NAALADL2: variants seen among roughly 807,000 people sequenced by gnomAD.
The protein encoded by NAALADL2 is N-acetylated alpha-linked acidic dipeptidase like 2.
Under a neutral mutation model 87.2 loss-of-function variants are expected in NAALADL2, and 76 were observed. The observed-to-expected ratio is 0.87, with a 90% CI of 0.72 to 1.05. The LOEUF (loss-of-function observed/expected upper bound fraction) is 1.05. Ranked by LOEUF, NAALADL2 falls within the 50% of genes least tolerant of loss-of-function variation. NAALADL2 has a pLI of 0.00. For missense variants in NAALADL2, 1,089 were observed against 945.8 expected (o/e 1.15, Z -1.99); for synonymous variants, 354 against 331.0 (o/e 1.07, Z -0.75).
At position 174,810,486 on chromosome 3, in the gene NAALADL2, G is replaced by A. The variant is rs1248277841; in HGVS notation, c.-9+72740G>A. Among the ~76,000 whole-genome samples, 4 of 151,942 alleles carry A rather than the reference G, an allele frequency of 2.6e-5. No individual in the cohort carries two copies. The South Asian group carries it at 6.3e-4, about 24-fold the overall frequency. On this transcript the variant is annotated intron_variant, in intron 3 of 3. Coordinates refer to the NAALADL2 transcript ENST00000434257. Reference sequence around the variant, plus strand: ...TAGTGCCTCTGCCCTAGGGATCTGTGGAACTTTGAACTTGAGAACAACCAT... The same window carrying A: ...TAGTGCCTCTGCCCTAGGGATCTGTAGAACTTTGAACTTGAGAACAACCAT...
intron 5 of NAALADL2, among the ~76,000 whole-genome samples, chr3:175,341,565 TG>T (rs574032124): frequency 4.0e-4 from 61 of 152,290 alleles, no homozygotes; most frequent in Non-Finnish European, 6.0e-4. Flanking sequence ...TGTATTTAGT[TG>T]TTTGAAGAAC....
intron 1 of NAALADL2, among the ~76,000 whole-genome samples, chr3:174,974,162 A>G (rs758560235): frequency 6.6e-6 from 1 of 152,178 alleles, no homozygotes; most frequent in Admixed American, 6.5e-5. Flanking sequence ...ATACATTTTC[A>G]TTACTGGTAT....
chr3:175,000,511 A>G (rs1428563758), intron 1 of NAALADL2, among the ~76,000 whole-genome samples: 2 of 152,184 alleles, frequency 1.3e-5, no homozygotes, highest in Non-Finnish European at 2.9e-5. Context: ...AAGCCATACC[A>G]ACCTCCAGTG....
In NAALADL2 at chr3:174,831,978, G is replaced by A. The variant is rs1443072548; in HGVS notation, c.-9+94232G>A. Among the ~76,000 whole-genome samples, 125 of 151,464 alleles carry A rather than the reference G, an allele frequency of 8.3e-4. 1 individual carries two copies. Among genetic ancestry groups the A allele is most frequent in the African/African-American group, 2.3e-3 (95 of 41,198 alleles). The stretch of plus-strand genomic sequence containing the variant: ...TATCCCCTTTATCATTTTTTATTGC[G>A]TCTATTTGATTCTTCTCTCTTTTTT... On this transcript the variant is annotated intron_variant, in intron 3 of 3. Coordinates refer to the NAALADL2 transcript ENST00000434257.
At chr3:174,766,505 T>C (rs1450056662) in intron 3 of NAALADL2, among the ~76,000 whole-genome samples, 1 of 152,218 alleles carries the variant, frequency 6.6e-6, no homozygotes, top group Non-Finnish European at 1.5e-5. Flanking sequence ...AGCAAAGCTA[T>C]AAACTTAATA....
At chr3:175,273,679 C>A (rs1032951929) in intron 4 of NAALADL2, among the ~76,000 whole-genome samples, 2 of 151,708 alleles carry the variant, frequency 1.3e-5, no homozygotes, top group African/African-American at 4.8e-5. Context: ...TCTCTTTTAA[C>A]CCTAACGTAA....
chr3:174,650,723 A>T (rs543826323), intron 2 of NAALADL2, among the ~76,000 whole-genome samples: 18 of 152,132 alleles, frequency 1.2e-4, no homozygotes, highest in Non-Finnish European at 1.9e-4. Context: ...TGGAAAAATT[A>T]GGATGTAGAA....
At chr3:175,252,811 T>C (rs1446730180) in intron 3 of NAALADL2, among the ~76,000 whole-genome samples, 2 of 152,224 alleles carry the variant, frequency 1.3e-5, no homozygotes, top group Middle Eastern at 3.4e-3. Context: ...AAAGTTTGAG[T>C]GATCAGGATA....
chr3:175,255,934 T>C (rs1903443), intron 3 of NAALADL2, among the ~76,000 whole-genome samples: 121,742 of 152,116 alleles, frequency 0.8, 48,764 homozygotes, highest in East Asian at 0.88. Flanking sequence ...CAATGTTGAA[T>C]GGAGCATCAT....
intron 2 of NAALADL2, among the ~76,000 whole-genome samples, chr3:175,133,598 T>G (rs925755237): frequency 6.6e-6 from 1 of 152,120 alleles, no homozygotes; most frequent in Non-Finnish European, 1.5e-5. Flanking sequence ...GGCGCGCGCC[T>G]GCAATCGCAG....
intron 3 of NAALADL2, among the ~76,000 whole-genome samples, chr3:175,253,713 G>C (rs113890910): frequency 1.3e-5 from 2 of 152,158 alleles, no homozygotes; most frequent in African/African-American, 4.8e-5. Flanking sequence ...TTTGTGGTTC[G>C]TGAGAGCAGG....
chr3:175,022,145 C>G (rs1026912649), intron 1 of NAALADL2, among the ~76,000 whole-genome samples: 3 of 152,014 alleles, frequency 2.0e-5, no homozygotes, highest in African/African-American at 7.2e-5. Context: ...AAGCCCTCAC[C>G]AGAAGCAGAT....
chr3:175,040,463 C>CT (rs1753933247), intron 1 of NAALADL2, among the ~76,000 whole-genome samples: 1 of 152,108 alleles, frequency 6.6e-6, no homozygotes, highest in South Asian at 2.1e-4. Flanking sequence ...TGGTAGAAAA[C>CT]TTACGGGGGC....
chr3:174,709,683 C>T (rs985971793), intron 2 of NAALADL2, among the ~76,000 whole-genome samples: 12 of 152,174 alleles, frequency 7.9e-5, no homozygotes, highest in African/African-American at 2.4e-4. Flanking sequence ...AGATAAAAAT[C>T]TTGATATATT....
At chr3:174,853,834 C>T (rs1041875011) in intron 3 of NAALADL2, among the ~76,000 whole-genome samples, 2 of 152,050 alleles carry the variant, frequency 1.3e-5, no homozygotes, top group Non-Finnish European at 2.9e-5. Flanking sequence ...ATGATATATC[C>T]TCTCAACCCA....
intron 1 of NAALADL2, among the ~76,000 whole-genome samples, chr3:174,522,572 G>A (rs1239884456): frequency 6.6e-6 from 1 of 151,842 alleles, no homozygotes; most frequent in East Asian, 1.9e-4. Flanking sequence ...AGGTGGGAGT[G>A]AGGTTACAGT....
At chr3:175,505,351 C>T (rs1730161877) in intron 9 of NAALADL2, among the ~76,000 whole-genome samples, 1 of 152,058 alleles carries the variant, frequency 6.6e-6, no homozygotes, top group Non-Finnish European at 1.5e-5. Flanking sequence ...ACAGCCCCAA[C>T]TACCATCTAA....
At chr3:175,616,287 A>G (rs1395358155) in intron 10 of NAALADL2, among the ~76,000 whole-genome samples, 1 of 136,334 alleles carries the variant, frequency 7.3e-6, no homozygotes, top group Non-Finnish European at 1.6e-5. Context: ...TAAATATAAT[A>G]AATATGAATA....
chr3:175,508,642 A>G (rs894677322), intron 9 of NAALADL2, among the ~76,000 whole-genome samples: 5 of 152,082 alleles, frequency 3.3e-5, no homozygotes, highest in African/African-American at 1.2e-4. Context: ...ACCAAGTCCC[A>G]TACATTTTAC....
Sources: gnomAD v4.1 joint callset for allele counts (sites outside exome capture counted in the v4.1 genomes callset) on GRCh38, gnomAD v4.1.1 for gene constraint, MANE v1.5 for transcripts, NCBI Gene and HGNC (gene_info 2026-07-23, HGNC 2026-07-21) for gene names.